DDX31: variants seen among roughly 807,000 people sequenced by gnomAD.
DDX31 encodes the protein DEAD-box helicase 31.
In DDX31, 70 loss-of-function variants were observed where a neutral mutation model predicts 91.3. The ratio of observed to expected loss-of-function variants is 0.77; its 90% confidence interval spans 0.63 to 0.94. The LOEUF is 0.94. DDX31 is among the 40% of genes least tolerant of loss of function. DDX31 has a pLI of 0.00. For missense variants in DDX31, 902 were observed against 925.0 expected, an observed-to-expected ratio of 0.98 and a Z score of 0.32; for synonymous variants, 362 against 350.6, an observed-to-expected ratio of 1.03 and a Z score of -0.36.
intron 4 of DDX31, 110 bp downstream of exon 4, chr9:132,661,098 C>A: frequency 1.1e-6 from 1 of 878,246 alleles, no homozygotes; most frequent in Non-Finnish European, 1.9e-6. Context: ...GATAACCTGG[C>A]ACTGTGTTCC....
In DDX31 at chr9:132,595,190, C is replaced by T; in HGVS notation, c.1995-78G>A. 1.3e-6 allele frequency: 2 copies of T among 1,539,452 alleles called. No homozygotes were observed. Among genetic ancestry groups the T allele is most frequent in the Non-Finnish European group, 1.8e-6 (2 of 1,141,606 alleles). ...CCATTTGGAAAGAGGCTGATAGCAG[C>T]TGGTTCTGAGACTGTGAAGCTGACA... is the stretch of plus-strand genomic sequence containing the variant. On this transcript the variant is annotated intron_variant, in intron 19 of 19. Coordinates refer to ENST00000372159, the MANE Select transcript of DDX31 (RefSeq NM_022779.9). This position sits in a 1 kb window ranked among gnomAD's most constrained non-coding sequence, Gnocchi z 4.6.
At chr9:132,601,810 T>C (rs1024637437) in intron 19 of DDX31, among the ~76,000 whole-genome samples, 1 of 152,202 alleles carries the variant, frequency 6.6e-6, no homozygotes, top group African/African-American at 2.4e-5. Flanking sequence ...CACAACCTCA[T>C]ACAGGCTGTA....
chr9:132,618,882 C>A (rs1418423815), intron 17 of DDX31, among the ~76,000 whole-genome samples: 5 of 152,226 alleles, frequency 3.3e-5, no homozygotes, highest in Non-Finnish European at 7.3e-5. Flanking sequence ...TCCACAGTGA[C>A]CTGCCTAACA....
At chr9:132,647,171 C>T (rs1266361152) in intron 11 of DDX31, 113 bp from the exon 12 acceptor site, 31 of 935,042 alleles carry the variant, frequency 3.3e-5, no homozygotes, top group Non-Finnish European at 4.9e-5. Context: ...CGTATGTTAC[C>T]CCATGGGTAT....
rs575811305 is a variant in DDX31, at chr9:132,595,429, G to A, written c.1995-317C>T. On this transcript the variant is annotated intron_variant, in intron 19 of 19. Transcript: ENST00000372159. The surrounding 1 kb of genome is among the most constrained non-coding windows in gnomAD (Gnocchi z 4.6). ...TGGCAAATGAGGTGTATGATACAGCGGTTTGCCAAAGGACAGGGAAAAACC... is the reference window on the plus strand; with the variant it reads ...TGGCAAATGAGGTGTATGATACAGCAGTTTGCCAAAGGACAGGGAAAAACC... Among the ~76,000 whole-genome samples the A allele has an allele frequency of 7.2e-5, 11 of 152,206 alleles. No individual in the cohort carries two copies. Among genetic ancestry groups the A allele is most frequent in the African/African-American group, 1.4e-4 (6 of 41,516 alleles).
intron 17 of DDX31, among the ~76,000 whole-genome samples, chr9:132,618,841 T>C (rs1831811112): frequency 6.6e-6 from 1 of 152,260 alleles, no homozygotes; most frequent in Non-Finnish European, 1.5e-5. Flanking sequence ...CGCGCATCAG[T>C]GGAACACCGA....
At chr9:132,613,922 AC>A (rs1282169334) in intron 18 of DDX31, among the ~76,000 whole-genome samples, 1 of 152,036 alleles carries the variant, frequency 6.6e-6, no homozygotes, top group Admixed American at 6.6e-5. Flanking sequence ...CATCCTGCAA[AC>A]ACTCCCCGCC....
rs1228840060 is a variant in DDX31 at position 132,663,550 on chromosome 9, G to T, written c.76-855C>A. On this transcript the variant is annotated intron_variant, in intron 1 of 19. Coordinates refer to ENST00000372159, the MANE Select transcript of DDX31 (RefSeq NM_022779.9). ...AACATCCAATTCCTCTATTTTCTTT[G>T]GCCTTCTTTTCTGATTTACAAATGA... 3 of 983,588 alleles carry T rather than the reference G, an allele frequency of 3.1e-6. No individual in the cohort carries two copies. The East Asian group carries it at 3.4e-4, about 112-fold the overall frequency. 60.9% of individuals were successfully genotyped at this position (983,588 alleles called of 1,614,324 possible).
rs540502429 is a variant in DDX31, at chr9:132,647,161, C to A, written c.968-103G>T. Reference sequence around the variant, plus strand: ...CACCCACCCATGTATGTTAGGACTACGTATGTTACCCCATGGGTATCACCA... The same window carrying A: ...CACCCACCCATGTATGTTAGGACTAAGTATGTTACCCCATGGGTATCACCA... On this transcript the variant is annotated intron_variant, in intron 11 of 19. Transcript: ENST00000372159. The A allele has an allele frequency of 2.4e-5, 24 of 1,013,664 alleles. No individual in the cohort carries two copies. In the South Asian group the frequency reaches 3.1e-4, roughly 13 times the overall value. The allele number at this position is 1,013,664 out of a possible 1,614,324, so 62.8% of individuals were successfully genotyped here. A position where few individuals can be genotyped will look rare whatever the true frequency, so the allele number is the denominator to read the frequency against.
chr9:132,648,591 C>A (rs777105980), intron 9 of DDX31, 40 bp from the exon 10 acceptor site: 2 of 1,585,628 alleles, frequency 1.3e-6, no homozygotes, highest in East Asian at 4.5e-5. Context: ...GTAAATCAAA[C>A]AGGGCCACGC....
intron 19 of DDX31, among the ~76,000 whole-genome samples, chr9:132,606,404 T>C (rs1831026992): frequency 6.6e-6 from 1 of 152,194 alleles, no homozygotes; most frequent in Non-Finnish European, 1.5e-5. Context: ...CTCGGTTCCA[T>C]GTTTCCAAGG....
chr9:132,628,805 G>T (rs755048736), intron 16 of DDX31, among the ~76,000 whole-genome samples: 1 of 152,230 alleles, frequency 6.6e-6, no homozygotes. Context: ...AGTGTGAAGC[G>T]ACTGACAGGC....
At chr9:132,624,867 G>C (rs902249383) in intron 17 of DDX31, among the ~76,000 whole-genome samples, 1 of 152,298 alleles carries the variant, frequency 6.6e-6, no homozygotes, top group East Asian at 1.9e-4. Context: ...GGAGAATAAT[G>C]ATCCAAATAC....
Position 132,662,676 on chromosome 9 carries a change from CT to C in DDX31, c.94del (p.Arg32GlufsTer83). Reference sequence around the variant, plus strand: ...AGCCTCACTGGACGCTTGGTATTTTCTTTTCGTAGCCTTTGCTTGCTGCGTT... The same window carrying C: ...AGCCTCACTGGACGCTTGGTATTTTCTTTCGTAGCCTTTGCTTGCTGCGTT... Reference protein sequence around the residue: ...QASRQAKATKRKYQASSEAPP... With the variant: ...QASRQAKATKXKYQASSEAPP... On this transcript the variant is annotated frameshift_variant, in exon 2 of 20. Transcript: ENST00000372159. LOFTEE classifies it high-confidence loss of function. 1 of 1,614,132 alleles carries C rather than the reference CT, an allele frequency of 6.2e-7. No homozygotes were observed. Among genetic ancestry groups the C allele is most frequent in the Non-Finnish European group, 8.5e-7 (1 of 1,180,024 alleles).
At chr9:132,639,534 ATTCT>A (rs1305181518) in intron 14 of DDX31, among the ~76,000 whole-genome samples, 2 of 152,358 alleles carry the variant, frequency 1.3e-5, no homozygotes, top group Admixed American at 1.3e-4. Context: ...AGACAATGGC[ATTCT>A]TTGTCTAGCT....
chr9:132,603,965 A>G (rs1830865414), intron 19 of DDX31, among the ~76,000 whole-genome samples: 1 of 152,154 alleles, frequency 6.6e-6, no homozygotes, highest in African/African-American at 2.4e-5. Context: ...TGTCACATAG[A>G]AAAAAACCAT....
chr9:132,657,455 T>C (rs1834638952), intron 6 of DDX31, among the ~76,000 whole-genome samples: 1 of 152,228 alleles, frequency 6.6e-6, no homozygotes, highest in Non-Finnish European at 1.5e-5. Context: ...CTATCATTTG[T>C]ATATTTATTT....
At chr9:132,596,118 A>T (rs969114256) in intron 19 of DDX31, among the ~76,000 whole-genome samples, 1 of 152,258 alleles carries the variant, frequency 6.6e-6, no homozygotes, top group African/African-American at 2.4e-5. Flanking sequence ...TCACAAAGAC[A>T]TATGTTACGT....
chr9:132,641,328 A>G (rs550475453), intron 14 of DDX31, among the ~76,000 whole-genome samples: 2 of 152,360 alleles, frequency 1.3e-5, no homozygotes, highest in African/African-American at 4.8e-5. Flanking sequence ...GACTTCTCCA[A>G]TAACCAGCTG....
Sources: gnomAD v4.1 joint callset for allele counts (sites outside exome capture counted in the v4.1 genomes callset) on GRCh38, gnomAD v4.1.1 for gene constraint, Gnocchi (gnomAD v3.1) non-coding constraint, MANE v1.5 for transcripts, NCBI Gene and HGNC (gene_info 2026-07-23, HGNC 2026-07-21) for gene names.